The following NTRK3 variants were observed in gnomAD, a reference collection of about 807,000 sequenced individuals.
The protein encoded by NTRK3 is NT-3 growth factor receptor.
NTRK3 carries 24 observed loss-of-function variants against 91.7 expected under a neutral mutation model. That is an observed-to-expected ratio of 0.26 (90% CI 0.19 to 0.37). The LOEUF (loss-of-function observed/expected upper bound fraction) is 0.37. Among genes scored for constraint, NTRK3 ranks in the 10% least tolerant of loss-of-function variants. The pLI is 1.00. For synonymous variants in NTRK3, 483 were observed against 404.0 expected, an observed-to-expected ratio of 1.20 and a Z score of -2.34; for missense variants, 880 against 1,068.9, an observed-to-expected ratio of 0.82 and a Z score of 2.46.
rs1219768690 is a variant in NTRK3, at chr15:87,969,029, C to G, written c.1586-28276G>C. Among the ~76,000 whole-genome samples the G allele has an allele frequency of 3.9e-5, 6 of 152,118 alleles. No homozygotes were observed. The South Asian group carries it at 1.0e-3, about 26-fold the overall frequency. ...TCACATAACATAGATGCTATCCCCCCACCCCCTGCCAGGTACCAAGGTATT... is the reference window on the plus strand; with the variant it reads ...TCACATAACATAGATGCTATCCCCCGACCCCCTGCCAGGTACCAAGGTATT... On this transcript the variant is annotated intron_variant, in intron 14 of 18. Transcript: ENST00000394480.
chr15:87,928,947 T>A, intron 17 of NTRK3: 1 of 608,124 alleles, frequency 1.6e-6, no homozygotes, highest in Non-Finnish European at 2.9e-6. Flanking sequence ...GCATATGTTA[T>A]TGCAATGTAC....
At chr15:88,005,708 G>A (rs2076438552) in intron 14 of NTRK3, among the ~76,000 whole-genome samples, 1 of 152,078 alleles carries the variant, frequency 6.6e-6, no homozygotes, top group South Asian at 2.1e-4. Flanking sequence ...CTAGGAGGCA[G>A]TCTCCCTCTC....
At chr15:87,923,350 C>G (rs1423458984) in intron 17 of NTRK3, among the ~76,000 whole-genome samples, 1 of 152,162 alleles carries the variant, frequency 6.6e-6, no homozygotes, top group Non-Finnish European at 1.5e-5. Context: ...TTAACAACAT[C>G]CCACACACAT....
chr15:88,042,123 G>T (rs1269706617), intron 13 of NTRK3, among the ~76,000 whole-genome samples: 1 of 152,114 alleles, frequency 6.6e-6, no homozygotes, highest in Non-Finnish European at 1.5e-5. Context: ...ACACTGACAT[G>T]TCCCTGGTGG....
At chr15:87,949,713 G>A (rs78073292) in intron 14 of NTRK3, among the ~76,000 whole-genome samples, 3 of 152,082 alleles carry the variant, frequency 2.0e-5, no homozygotes, top group Admixed American at 6.5e-5. Flanking sequence ...ACCACAGTAC[G>A]CCTGCCCTTT....
chr15:88,084,918 C>T (rs1168111730), intron 13 of NTRK3, among the ~76,000 whole-genome samples: 3 of 152,280 alleles, frequency 2.0e-5, no homozygotes, highest in Admixed American at 6.5e-5. Context: ...TATGTACATG[C>T]GCCCGCATGG....
chr15:88,038,320 C>G (rs2079258008), intron 13 of NTRK3, among the ~76,000 whole-genome samples: 1 of 152,220 alleles, frequency 6.6e-6, no homozygotes, highest in Non-Finnish European at 1.5e-5. Context: ...GGCCCTCTTA[C>G]TCACCTTTGC....
intron 14 of NTRK3, among the ~76,000 whole-genome samples, chr15:87,947,376 C>T (rs2070666963): frequency 6.6e-6 from 1 of 152,116 alleles, no homozygotes; most frequent in Non-Finnish European, 1.5e-5. Flanking sequence ...CCTGCAACCC[C>T]TACTTCAGAG....
exon 19 of NTRK3, chr15:87,874,017 G>A (rs866204751): frequency 4.4e-6 from 1 of 228,318 alleles, no homozygotes; most frequent in Non-Finnish European, 8.7e-6. Flanking sequence ...GCTAGAAGGG[G>A]CCAGAGATTA....
intron 14 of NTRK3, among the ~76,000 whole-genome samples, chr15:87,990,848 T>TC (rs1341424390): frequency 1.3e-5 from 2 of 152,130 alleles, no homozygotes; most frequent in African/African-American, 2.4e-5. Flanking sequence ...TGGAGCAATG[T>TC]CCCCCACTTT....
chr15:88,212,221 T>A (rs932198827), intron 3 of NTRK3, among the ~76,000 whole-genome samples: 4 of 151,796 alleles, frequency 2.6e-5, no homozygotes, highest in African/African-American at 4.8e-5. Context: ...ACAAAAAAAA[T>A]TAGCTGGGCA....
At chr15:88,180,996 G>T (rs1187881841) in intron 5 of NTRK3, among the ~76,000 whole-genome samples, 1 of 152,134 alleles carries the variant, frequency 6.6e-6, no homozygotes, top group African/African-American at 2.4e-5. Context: ...CGACCCCCAG[G>T]CTCCTCTGGG....
At chr15:88,017,905 CA>C (rs2077348943) in intron 14 of NTRK3, among the ~76,000 whole-genome samples, 1 of 152,204 alleles carries the variant, frequency 6.6e-6, no homozygotes, top group South Asian at 2.1e-4. Context: ...TCTTCATTAC[CA>C]GTGGCATGAG....
chr15:87,948,610 C>G (rs978716002), intron 14 of NTRK3, among the ~76,000 whole-genome samples: 1 of 152,186 alleles, frequency 6.6e-6, no homozygotes, highest in Non-Finnish European at 1.5e-5. Context: ...ATCGCTTGAA[C>G]CTGGGAGGCG....
intron 2 of NTRK3, 55 bp downstream of exon 2, chr15:88,256,229 G>T (rs2054046856): frequency 9.8e-6 from 4 of 410,048 alleles, no homozygotes; most frequent in South Asian, 4.4e-5. Context: ...GAGAGCAGGG[G>T]GGGAAGGAAA....
At chr15:88,012,590 C>A (rs933813230) in intron 14 of NTRK3, among the ~76,000 whole-genome samples, 2 of 152,164 alleles carry the variant, frequency 1.3e-5, no homozygotes, top group Non-Finnish European at 2.9e-5. Flanking sequence ...GCAGAATGAG[C>A]CATTTGCTGG....
At chr15:88,085,562 G>A (rs1322638028) in intron 13 of NTRK3, among the ~76,000 whole-genome samples, 1 of 152,206 alleles carries the variant, frequency 6.6e-6, no homozygotes, top group African/African-American at 2.4e-5. Flanking sequence ...TCAGGAATCA[G>A]CCAAACCCAG....
At chr15:88,010,386 C>A (rs542137214) in intron 14 of NTRK3, among the ~76,000 whole-genome samples, 1 of 152,256 alleles carries the variant, frequency 6.6e-6, no homozygotes, top group South Asian at 2.1e-4. Context: ...AATTCATTCT[C>A]AAGGCTCCAA....
At chr15:87,958,534 A>G (rs770290960) in intron 14 of NTRK3, among the ~76,000 whole-genome samples, 1 of 151,886 alleles carries the variant, frequency 6.6e-6, no homozygotes, top group Non-Finnish European at 1.5e-5. Context: ...GGGCGTCCCT[A>G]TGTGGTAAGC....
Sources: allele counts gnomAD v4.1 joint callset (sites outside exome capture counted in the v4.1 genomes callset), GRCh38; gene constraint gnomAD v4.1.1; transcripts MANE v1.5; gene names NCBI Gene and HGNC (gene_info 2026-07-23, HGNC 2026-07-21).